SLC25A51: variants seen among roughly 807,000 people sequenced by gnomAD.
SLC25A51 encodes the protein solute carrier family 25 member 51, also known as mitochondrial nicotinamide adenine dinucleotide transporter SLC25A51.
SLC25A51 carries 11 observed loss-of-function variants against 19.1 expected under a neutral mutation model. That is an observed-to-expected ratio of 0.58 (90% CI 0.36 to 0.96). SLC25A51 has a LOEUF of 0.96. Ranked by LOEUF, SLC25A51 falls within the 40% of genes least tolerant of loss-of-function variation. SLC25A51 has a pLI of 0.01. For missense variants in SLC25A51, 201 were observed against 365.4 expected (o/e 0.55, Z 3.67); for synonymous variants, 105 against 133.6 (o/e 0.79, Z 1.47).
At chr9:37,885,768 A>G, downstream of SLC25A51, 1 of 1,561,406 alleles carries the variant, frequency 6.4e-7, no homozygotes. Context: ...ACATATAGGC[A>G]ACATTTTCAT....
chr9:37,884,036 A>C (rs533883327), downstream of SLC25A51, among the ~76,000 whole-genome samples: 1 of 152,354 alleles, frequency 6.6e-6, no homozygotes, highest in South Asian at 2.1e-4. Flanking sequence ...TACCAAGTTG[A>C]GGCCTTTATT....
intron 2 of SLC25A51, among the ~76,000 whole-genome samples, chr9:37,895,433 C>T (rs1220100392): frequency 3.3e-5 from 5 of 151,524 alleles, no homozygotes; most frequent in Non-Finnish European, 5.9e-5. Context: ...CCCCTAGCCT[C>T]AAGCGATCCT....
chr9:37,893,033 C>A (rs1263124721), intron 2 of SLC25A51, among the ~76,000 whole-genome samples: 1 of 151,826 alleles, frequency 6.6e-6, no homozygotes, highest in Non-Finnish European at 1.5e-5. Flanking sequence ...GGCCACAGCG[C>A]CTGGCCCAAT....
chr9:37,885,693 G>A, downstream of SLC25A51: 2 of 1,368,778 alleles, frequency 1.5e-6, no homozygotes, highest in Non-Finnish European at 2.1e-6. Context: ...GAGAGAAGCG[G>A]AGATCCTGAT....
chr9:37,881,491 A>C (rs1831348875), intron 3 of SLC25A51: 1 of 152,180 alleles, frequency 6.6e-6, no homozygotes, highest in Non-Finnish European at 1.5e-5. Flanking sequence ...ATCTCTACAA[A>C]AATTAGCTGG....
intron 2 of SLC25A51, among the ~76,000 whole-genome samples, chr9:37,891,883 T>C (rs934651460): frequency 2.3e-4 from 29 of 127,334 alleles, no homozygotes; most frequent in Admixed American, 4.1e-4. Flanking sequence ...TATATATATA[T>C]ACACACAACT....
intron 1 of SLC25A51, among the ~76,000 whole-genome samples, chr9:37,902,480 C>A (rs1831868586): frequency 6.6e-6 from 1 of 152,188 alleles, no homozygotes; most frequent in Non-Finnish European, 1.5e-5. Flanking sequence ...CTAGTTTAAT[C>A]CTACACACCA....
intron 2 of SLC25A51, among the ~76,000 whole-genome samples, chr9:37,893,252 T>C (rs1473171701): frequency 1.3e-5 from 2 of 152,252 alleles, no homozygotes; most frequent in Non-Finnish European, 2.9e-5. Flanking sequence ...AAGATCTGTA[T>C]ATCCTTTTCT....
intron 1 of SLC25A51, among the ~76,000 whole-genome samples, chr9:37,900,961 G>A (rs963961273): frequency 2.0e-5 from 3 of 152,012 alleles, no homozygotes; most frequent in Non-Finnish European, 2.9e-5. Flanking sequence ...GACCTCCTGG[G>A]CTCAAGCAAT....
At chr9:37,897,259 T>C (rs1831738394) in intron 2 of SLC25A51, among the ~76,000 whole-genome samples, 1 of 152,112 alleles carries the variant, frequency 6.6e-6, no homozygotes, top group Non-Finnish European at 1.5e-5. Context: ...TTCACTATGT[T>C]GCCCAGCCTG....
downstream of SLC25A51, chr9:37,878,793 T>C (rs1441920360): frequency 1.3e-5 from 2 of 158,864 alleles, no homozygotes; most frequent in East Asian, 3.8e-4. Context: ...CTTTTAATCA[T>C]ACTTTTAAAA....
chr9:37,889,450 T>C (rs1831533193), intron 2 of SLC25A51, among the ~76,000 whole-genome samples: 1 of 152,080 alleles, frequency 6.6e-6, no homozygotes, highest in Admixed American at 6.6e-5. Flanking sequence ...AACATGCACC[T>C]TGGAAGGTGG....
At chr9:37,885,137 A>G (rs562867796), downstream of SLC25A51, among the ~76,000 whole-genome samples, 3 of 152,148 alleles carry the variant, frequency 2.0e-5, no homozygotes, top group South Asian at 6.2e-4. Flanking sequence ...GAAGCAAGCA[A>G]TGGAGTAACA....
chr9:37,894,680 G>C (rs74471468), intron 2 of SLC25A51, among the ~76,000 whole-genome samples: 3,525 of 152,144 alleles, frequency 0.023, 77 homozygotes, highest in East Asian at 0.077. Flanking sequence ...ATGTAAACTT[G>C]TGCCATGGGG....
At chr9:37,887,458 G>C, downstream of SLC25A51, 1 of 609,384 alleles carries the variant, frequency 1.6e-6, no homozygotes, top group South Asian at 2.4e-5. Flanking sequence ...AGAGGCTTGA[G>C]ACTTTCCTTT....
At chr9:37,903,140 G>C (rs1831892246) in intron 1 of SLC25A51, among the ~76,000 whole-genome samples, 1 of 152,204 alleles carries the variant, frequency 6.6e-6, no homozygotes, top group African/African-American at 2.4e-5. Context: ...TTCCAAAGCG[G>C]TAACCTGTGC....
At chr9:37,887,483 G>C, downstream of SLC25A51, 1 of 705,866 alleles carries the variant, frequency 1.4e-6, no homozygotes, top group Non-Finnish European at 2.3e-6. Context: ...GGTAGGACTT[G>C]GAGGAGAAAT....
intron 2 of SLC25A51, among the ~76,000 whole-genome samples, chr9:37,894,686 T>C (rs746551497): frequency 2.0e-5 from 3 of 152,134 alleles, no homozygotes; most frequent in Non-Finnish European, 4.4e-5. Context: ...ACTTGTGCCA[T>C]GGGGTTTGTT....
At chr9:37,885,465 C>T (rs1163649223), downstream of SLC25A51, among the ~76,000 whole-genome samples, 1 of 151,244 alleles carries the variant, frequency 6.6e-6, no homozygotes, top group Non-Finnish European at 1.5e-5. Flanking sequence ...GTTACGACAC[C>T]AACTTATATT....
Sources: gnomAD v4.1 joint callset for allele counts (sites outside exome capture counted in the v4.1 genomes callset) on GRCh38, gnomAD v4.1.1 for gene constraint, MANE v1.5 for transcripts, NCBI Gene and HGNC (gene_info 2026-07-23, HGNC 2026-07-21) for gene names.